Variants in PKN2 observed in about 807,000 individuals in gnomAD.
The protein encoded by PKN2 is protein kinase N2, also known as serine/threonine-protein kinase N2.
PKN2 carries 38 observed loss-of-function variants against 119.1 expected under a neutral mutation model. That is an observed-to-expected ratio of 0.32 (90% CI 0.25 to 0.42). PKN2 has a LOEUF of 0.42. Ranked by LOEUF, PKN2 falls within the 10% of genes least tolerant of loss-of-function variation. PKN2 has a pLI of 1.00. For missense variants in PKN2, 850 were observed against 1,165.1 expected, an observed-to-expected ratio of 0.73 and a Z score of 3.94; for synonymous variants, 390 against 384.9, an observed-to-expected ratio of 1.01 and a Z score of -0.15.
At chr1:88,818,418 C>T (rs1049972914) in intron 16 of PKN2, among the ~76,000 whole-genome samples, 2 of 152,004 alleles carry the variant, frequency 1.3e-5, no homozygotes, top group Admixed American at 1.3e-4. Context: ...GAGGTTGAGG[C>T]GGGTGGGTCA....
In PKN2 at chr1:88,784,801, T is replaced by G. The variant is rs751048428; in HGVS notation, c.1148T>G (p.Leu383Arg). Reference protein sequence around the residue: ...SKSKSGSSRNLLKTDDLSNDV... With the variant: ...SKSKSGSSRNRLKTDDLSNDV... ...AGTAAAAGCGGAAGTAGTCGAAATC[T>G]TCTAAAAACCGATGACTTGTCCAGT... The change falls in exon 7 of 22, where the codon CTT becomes CGT. Residue 383 changes from leucine (L) to arginine (R), a missense_variant. Transcript: ENST00000370521. 2 of 1,551,450 alleles carry G rather than the reference T, an allele frequency of 1.3e-6. No homozygotes were observed. Among genetic ancestry groups the G allele is most frequent in the Non-Finnish European group, 1.8e-6 (2 of 1,125,704 alleles).
At position 88,760,477 on chromosome 1, in the gene PKN2, A is replaced by G. The variant is rs2100781183; in HGVS notation, c.504+101A>G. On this transcript the variant is annotated intron_variant, in intron 3 of 21. Transcript: ENST00000370521. ...AATAAAATTTATTAGTAACTCCAAC[A>G]TCAGTACTGGTGGCATGGCACTTTG... 1.6e-5 allele frequency: 10 copies of G among 644,816 alleles called. No homozygotes were observed. The East Asian group carries it at 1.8e-4, about 12-fold the overall frequency. 39.9% of individuals were successfully genotyped at this position (644,816 alleles called of 1,614,324 possible).
intron 2 of PKN2, among the ~76,000 whole-genome samples, chr1:88,751,986 G>A (rs1277398143): frequency 4.6e-5 from 7 of 152,234 alleles, no homozygotes; most frequent in African/African-American, 1.2e-4. Flanking sequence ...TGTCTTCAGT[G>A]TTCTGGACTT....
At chr1:88,716,227 T>A (rs1230139853) in intron 1 of PKN2, among the ~76,000 whole-genome samples, 1 of 152,170 alleles carries the variant, frequency 6.6e-6, no homozygotes, top group Non-Finnish European at 1.5e-5. Context: ...GTGGTCAATT[T>A]TGGAATAAGT....
intron 6 of PKN2, among the ~76,000 whole-genome samples, chr1:88,774,702 ACT>A (rs1317236352): frequency 6.7e-6 from 1 of 149,026 alleles, no homozygotes; most frequent in East Asian, 2.0e-4. Context: ...GAATTTTTCT[ACT>A]CTGTTTTTAT....
At chr1:88,753,399 T>C (rs899493194) in intron 2 of PKN2, among the ~76,000 whole-genome samples, 5 of 152,194 alleles carry the variant, frequency 3.3e-5, no homozygotes, top group Non-Finnish European at 5.9e-5. Flanking sequence ...AACTCTTTCA[T>C]CTTTGTCTGA....
At position 88,805,676 on chromosome 1, in the gene PKN2, G is replaced by T; in HGVS notation, c.1676+5G>T. On this transcript the variant is annotated splice_donor_5th_base_variant and intron_variant, in intron 11 of 21. Coordinates refer to ENST00000370521, the MANE Select transcript of PKN2 (RefSeq NM_006256.4). The stretch of plus-strand genomic sequence containing the variant: ...TCAACTAGCACCTCCAGCTAGGTAT[G>T]TGTCTGAGATTTTAAGCATCTCTTA... 1 of 1,613,712 alleles carries T rather than the reference G, an allele frequency of 6.2e-7. No individual in the cohort carries two copies. Among genetic ancestry groups the T allele is most frequent in the Non-Finnish European group, 8.5e-7 (1 of 1,179,792 alleles).
chr1:88,708,295 T>C (rs1318356591), intron 1 of PKN2, among the ~76,000 whole-genome samples: 1 of 152,206 alleles, frequency 6.6e-6, no homozygotes, highest in Admixed American at 6.5e-5. Context: ...TATAGGTTTT[T>C]GTTGTCTAAC....
rs573978930 is a variant in PKN2 at position 88,711,046 on chromosome 1, A to C, written c.48+26418A>C. On this transcript the variant is annotated intron_variant, in intron 1 of 21. Transcript: ENST00000370521. ...CTTAGCAAACTAACACAGGAACAGA[A>C]AACGAAATACTACATGTTCTGTCTT... 3.9e-5 allele frequency among the ~76,000 whole-genome samples: 6 copies of C among 152,292 alleles called. No homozygotes were observed. The East Asian group carries it at 1.2e-3, about 29-fold the overall frequency.
intron 6 of PKN2, among the ~76,000 whole-genome samples, chr1:88,777,974 T>TA (rs1188212663): frequency 1.3e-5 from 2 of 152,192 alleles, no homozygotes; most frequent in Non-Finnish European, 2.9e-5. Flanking sequence ...ACAGCACTCT[T>TA]ACAATACTCC....
chr1:88,814,317 A>G (rs1671898725), intron 16 of PKN2, among the ~76,000 whole-genome samples: 1 of 152,240 alleles, frequency 6.6e-6, no homozygotes, highest in African/African-American at 2.4e-5. Flanking sequence ...GGCTTATTCA[A>G]ATAAATAAGA....
At chr1:88,819,306 A>G (rs951074915) in intron 16 of PKN2, among the ~76,000 whole-genome samples, 4 of 152,218 alleles carry the variant, frequency 2.6e-5, no homozygotes, top group African/African-American at 9.6e-5. Flanking sequence ...CAGAATCTAC[A>G]AGGAACTGAA....
intron 1 of PKN2, among the ~76,000 whole-genome samples, chr1:88,721,644 G>T (rs1298244501): frequency 6.6e-6 from 1 of 152,206 alleles, no homozygotes; most frequent in Non-Finnish European, 1.5e-5. Flanking sequence ...TTTGTATAAA[G>T]GAGGTATTAT....
intron 8 of PKN2, among the ~76,000 whole-genome samples, chr1:88,798,445 G>A (rs953860227): frequency 2.6e-5 from 4 of 152,000 alleles, no homozygotes; most frequent in African/African-American, 7.2e-5. Context: ...TGGGGGAAAC[G>A]TGGAGATGAA....
intron 6 of PKN2, among the ~76,000 whole-genome samples, chr1:88,775,489 A>T (rs1245041958): frequency 6.6e-6 from 1 of 152,082 alleles, no homozygotes; most frequent in Non-Finnish European, 1.5e-5. Flanking sequence ...GATGTACCAT[A>T]ATTTATTTAT....
intron 1 of PKN2, among the ~76,000 whole-genome samples, chr1:88,728,681 C>T (rs6685382): frequency 0.11 from 16,988 of 151,988 alleles, 1,967 homozygotes; most frequent in African/African-American, 0.3. Flanking sequence ...TTGAATGATT[C>T]AGTAAATGGA....
In PKN2 at chr1:88,807,349, A is replaced by G; in HGVS notation, c.1840A>G (p.Asn614Asp). ...TGTTTTTGATATTCAGAATGACAGA[A>G]ATAGTATACTTCCAAAATCTCAATC... ...ETVFDIQNDR[N>D]SILPKSQSEY... Residue 614 changes from asparagine (N) to aspartate (D), a missense_variant, in exon 13 of 22, where the codon AAT (asparagine) becomes GAT (aspartate). Asn to Asp is a conservative substitution (Grantham distance 23). Coordinates refer to ENST00000370521, the MANE Select transcript of PKN2 (RefSeq NM_006256.4). 6.3e-7 allele frequency: 1 copy of G among 1,587,978 alleles called. No homozygotes were observed.
At chr1:88,704,422 G>A (rs1344219492) in intron 1 of PKN2, among the ~76,000 whole-genome samples, 1 of 152,104 alleles carries the variant, frequency 6.6e-6, no homozygotes, top group Admixed American at 6.5e-5. Context: ...CACCAGGTTT[G>A]AGATATTACA....
chr1:88,761,285 T>C (rs1361856270), intron 3 of PKN2, among the ~76,000 whole-genome samples: 2 of 152,298 alleles, frequency 1.3e-5, no homozygotes, highest in East Asian at 3.9e-4. Context: ...TTATAAAATG[T>C]ACCTTTGTAC....
Sources: allele counts gnomAD v4.1 joint callset (sites outside exome capture counted in the v4.1 genomes callset), GRCh38; gene constraint gnomAD v4.1.1; transcripts MANE v1.5; gene names NCBI Gene and HGNC (gene_info 2026-07-23, HGNC 2026-07-21).